Variants in PPP1R13B observed in about 807,000 individuals in gnomAD.
PPP1R13B encodes the protein apoptosis-stimulating of p53 protein 1.
A neutral mutation model predicts 119.8 loss-of-function variants in PPP1R13B; 44 were observed. The observed-to-expected ratio is 0.37, with a 90% CI of 0.29 to 0.47. PPP1R13B has a LOEUF of 0.47. Ranked by LOEUF, PPP1R13B falls within the 20% of genes least tolerant of loss-of-function variation. The pLI is 0.99. For missense variants in PPP1R13B, 1,227 were observed against 1,413.5 expected, an observed-to-expected ratio of 0.87 and a Z score of 2.12; for synonymous variants, 542 against 561.5, an observed-to-expected ratio of 0.97 and a Z score of 0.49.
At chr14:103,748,859 C>T (rs557539455) in intron 8 of PPP1R13B, among the ~76,000 whole-genome samples, 4 of 152,254 alleles carry the variant, frequency 2.6e-5, no homozygotes, top group Admixed American at 1.3e-4. Context: ...AATGAAGTAA[C>T]GACCTGGAAA....
At position 103,799,623 on chromosome 14, in the gene PPP1R13B, T is replaced by TG. The variant is rs1459892506; in HGVS notation, c.10-2106_10-2105insC. Among the ~76,000 whole-genome samples the TG allele has an allele frequency of 4.3e-3, 657 of 151,738 alleles. 9 individuals carry two copies. Among genetic ancestry groups the TG allele is most frequent in the African/African-American group, 0.014 (579 of 41,416 alleles). ...CCACTGTGCCGGGTTTTTTGTTTTT[T>TG]TTTTTTTTAATTTCAAAAAAATACT... On this transcript the variant is annotated intron_variant, in intron 1 of 16. Coordinates refer to ENST00000202556, the MANE Select transcript of PPP1R13B (RefSeq NM_015316.3).
chr14:103,845,487 A>G (rs1157998926), intron 1 of PPP1R13B, among the ~76,000 whole-genome samples: 2 of 152,162 alleles, frequency 1.3e-5, no homozygotes, highest in Admixed American at 1.3e-4. Context: ...AAAAAACAGT[A>G]TTTTATTGTT....
intron 1 of PPP1R13B, among the ~76,000 whole-genome samples, chr14:103,805,302 G>A (rs2085991485): frequency 1.3e-5 from 2 of 152,160 alleles, no homozygotes; most frequent in Admixed American, 1.3e-4. Flanking sequence ...CAGGAACGGT[G>A]GCTCATGCCT....
At chr14:103,766,153 C>T (rs984503576) in intron 4 of PPP1R13B, among the ~76,000 whole-genome samples, 3 of 151,506 alleles carry the variant, frequency 2.0e-5, no homozygotes, top group Non-Finnish European at 4.4e-5. Flanking sequence ...GGACCACAGA[C>T]GTATGCCACC....
At position 103,740,659 on chromosome 14, in the gene PPP1R13B, G is replaced by A. The variant is rs1341927854; in HGVS notation, c.1823-66C>T. ...CAGAGATCTAGTCATACACACCTAT[G>A]ATTACACCAGAGACAGGCTCCTGCA... On this transcript the variant is annotated intron_variant, in intron 11 of 16. Transcript: ENST00000202556. This position sits in a 1 kb window ranked among gnomAD's most constrained non-coding sequence, Gnocchi z 4.6. 13 of 1,310,850 alleles carry A rather than the reference G, an allele frequency of 9.9e-6. No individual in the cohort carries two copies. The Admixed American group carries it at 2.5e-4, about 25-fold the overall frequency. The allele number at this position is 1,310,850 out of a possible 1,614,324, so 81.2% of individuals were successfully genotyped here.
At chr14:103,812,776 C>T (rs895632287) in intron 1 of PPP1R13B, among the ~76,000 whole-genome samples, 1 of 152,270 alleles carries the variant, frequency 6.6e-6, no homozygotes, top group Middle Eastern at 3.4e-3. Context: ...AGATGACATA[C>T]AAATGGAAAA....
At chr14:103,775,789 G>T (rs550488408) in intron 4 of PPP1R13B, among the ~76,000 whole-genome samples, 3 of 152,086 alleles carry the variant, frequency 2.0e-5, no homozygotes, top group Admixed American at 1.3e-4. Context: ...AAGCAGATCC[G>T]CCTGGAAGAA....
At chr14:103,739,271 G>A in intron 12 of PPP1R13B, 1 of 493,024 alleles carries the variant, frequency 2.0e-6, no homozygotes. Context: ...GGACACGGCT[G>A]TGTTTGAGCT....
intron 1 of PPP1R13B, among the ~76,000 whole-genome samples, chr14:103,846,054 A>G (rs2152092525): frequency 6.6e-6 from 1 of 152,304 alleles, no homozygotes; most frequent in East Asian, 1.9e-4. Context: ...CACATAGCTA[A>G]AAAGTGGAAG....
At chr14:103,748,923 T>C (rs2151975663) in intron 8 of PPP1R13B, among the ~76,000 whole-genome samples, 1 of 152,344 alleles carries the variant, frequency 6.6e-6, no homozygotes, top group East Asian at 1.9e-4. Context: ...ACTAGTGTAA[T>C]TCCTGCAATC....
chr14:103,835,241 G>C (rs1384657081), intron 1 of PPP1R13B, among the ~76,000 whole-genome samples: 1 of 151,952 alleles, frequency 6.6e-6, no homozygotes, highest in African/African-American at 2.4e-5. Flanking sequence ...TCCTACCTTG[G>C]CCTCCTGAGT....
chr14:103,777,998 C>CT, intron 4 of PPP1R13B, among the ~76,000 whole-genome samples: 1 of 151,268 alleles, frequency 6.6e-6, no homozygotes, highest in Non-Finnish European at 1.5e-5. Context: ...GTTGCCCAGG[C>CT]TGGAGTGCAA....
Position 103,739,849 on chromosome 14 carries a change from G to A in PPP1R13B, c.2567C>T (p.Ala856Val). 2 of 1,609,590 alleles carry A rather than the reference G, an allele frequency of 1.2e-6. No homozygotes were observed. Among genetic ancestry groups the A allele is most frequent in the East Asian group, 2.2e-5 (1 of 44,746 alleles). Residue 856 changes from alanine to valine, a missense_variant, in exon 12 of 17, where the codon GCC becomes GTC. Ala to Val is a moderately conservative substitution (Grantham distance 64). Transcript: ENST00000202556. ...CGTGGAGGTGGCAGGAGGGTGGCTG[G>A]CAGGGGGAAGAGGTGCTGGAGGGAC... ...EQVPPAPLPP[A>V]SHPPATSTNK...
Position 103,757,779 on chromosome 14 carries a change from A to G in PPP1R13B, c.355-28T>C, listed in dbSNP as rs1202805628. 6.9e-6 allele frequency: 11 copies of G among 1,585,408 alleles called. No homozygotes were observed. The African/African-American group carries it at 9.4e-5, about 14-fold the overall frequency. On this transcript the variant is annotated intron_variant, in intron 4 of 16. Coordinates refer to ENST00000202556, the MANE Select transcript of PPP1R13B (RefSeq NM_015316.3). ...AAACAAAAAGCACTTATTTTGGAACATAAGTTTATCTGCATAATTGTCTGT... is the reference window on the plus strand; with the variant it reads ...AAACAAAAAGCACTTATTTTGGAACGTAAGTTTATCTGCATAATTGTCTGT...
intron 1 of PPP1R13B, among the ~76,000 whole-genome samples, chr14:103,807,555 C>T (rs927577052): frequency 2.6e-5 from 4 of 152,226 alleles, no homozygotes; most frequent in Non-Finnish European, 2.9e-5. Context: ...ACTGCAGTGG[C>T]GCGATCTCGG....
At chr14:103,810,990 G>A (rs531161836) in intron 1 of PPP1R13B, among the ~76,000 whole-genome samples, 8 of 150,578 alleles carry the variant, frequency 5.3e-5, no homozygotes, top group Middle Eastern at 3.4e-3. Context: ...TAACTCAGGA[G>A]GCTGAAGCAG....
At chr14:103,785,006 G>A in intron 2 of PPP1R13B, 92 bp from the exon 3 acceptor site, 2 of 1,152,700 alleles carry the variant, frequency 1.7e-6, no homozygotes, top group African/African-American at 1.5e-5. Flanking sequence ...ATGTATATAT[G>A]CACACATGTA....
intron 3 of PPP1R13B, among the ~76,000 whole-genome samples, chr14:103,780,008 G>A (rs2152018290): frequency 6.6e-6 from 1 of 152,064 alleles, no homozygotes; most frequent in South Asian, 2.1e-4. Flanking sequence ...AATTACCCAG[G>A]CGTGGTGGTG....
At chr14:103,794,371 G>C (rs2085705586) in intron 2 of PPP1R13B, among the ~76,000 whole-genome samples, 1 of 150,068 alleles carries the variant, frequency 6.7e-6, no homozygotes, top group South Asian at 2.1e-4. Flanking sequence ...TTGTTGCCCA[G>C]GCTGGAGTGC....
Sources: gnomAD v4.1 joint callset for allele counts (sites outside exome capture counted in the v4.1 genomes callset) on GRCh38, gnomAD v4.1.1 for gene constraint, Gnocchi (gnomAD v3.1) non-coding constraint, MANE v1.5 for transcripts, NCBI Gene and HGNC (gene_info 2026-07-23, HGNC 2026-07-21) for gene names.